Variants in OSBPL6 observed in about 807,000 individuals in gnomAD.
OSBPL6 encodes the protein oxysterol binding protein like 6.
A neutral mutation model predicts 125.8 loss-of-function variants in OSBPL6; 49 were observed. That is an observed-to-expected ratio of 0.39 (90% CI 0.31 to 0.49). The LOEUF is 0.49. OSBPL6 is among the 20% of genes least tolerant of loss of function. The pLI is 0.88. For missense variants in OSBPL6, 986 were observed against 1,135.4 expected, an observed-to-expected ratio of 0.87 and a Z score of 1.89; for synonymous variants, 394 against 391.8, an observed-to-expected ratio of 1.01 and a Z score of -0.07.
chr2:178,287,419 T>A (rs1684809227), intron 2 of OSBPL6, among the ~76,000 whole-genome samples: 1 of 152,222 alleles, frequency 6.6e-6, no homozygotes, highest in African/African-American at 2.4e-5. Flanking sequence ...CTGCCTGCAT[T>A]ACTTTGCTCC....
In OSBPL6 at chr2:178,361,815, G is replaced by T. The variant is rs2154098635; in HGVS notation, c.1287G>T (p.Gln429His). ...CACGGCTCCGACAGTCACTGTCTCA[G>T]GTAGGCAAAGAGTGTGTGTTTGCAT... Reference protein sequence around the residue: ...QMARLRQSLSQALNQNAELRS... With the variant: ...QMARLRQSLSHALNQNAELRS... The change falls in exon 13 of 25, where the codon CAG (glutamine) becomes CAT (histidine). Residue 429 changes from glutamine to histidine, a missense_variant and splice_region_variant. Transcript: ENST00000190611. 1 of 1,613,914 alleles carries T rather than the reference G, an allele frequency of 6.2e-7. No homozygotes were observed. The highest frequency in any genetic ancestry group is 2.2e-5 in the East Asian group (1 of 44,860).
intron 1 of OSBPL6, among the ~76,000 whole-genome samples, chr2:178,224,154 C>T (rs554437016): frequency 5.9e-5 from 9 of 151,906 alleles, no homozygotes; most frequent in South Asian, 2.1e-4. Flanking sequence ...ACAATGAACC[C>T]GGGAAGGGAG....
rs183987610 is a variant in OSBPL6 at position 178,373,131 on chromosome 2, G to A, written c.1396-759G>A. 5.0e-4 allele frequency among the ~76,000 whole-genome samples: 76 copies of A among 152,216 alleles called. 1 individual carries two copies. In the East Asian group the frequency reaches 0.011, roughly 21 times the overall value. On this transcript the variant is annotated intron_variant, in intron 14 of 24. Transcript: ENST00000190611. ...AGGAAACGTTATCCCAGGACAACTT[G>A]TCTTTGACTTAAGTTTTCCACCCTA... is the stretch of plus-strand genomic sequence containing the variant.
rs1004719372 is a variant in OSBPL6 at position 178,402,645 on chromosome 2, C to T, written c.*7086C>T. 1.3e-5 allele frequency: 2 copies of T among 152,164 alleles called. No homozygotes were observed. The highest frequency in any genetic ancestry group is 6.5e-5 in the Admixed American group (1 of 15,278). 9.4% of individuals were successfully genotyped at this position (152,164 alleles called of 1,614,324 possible). On this transcript the variant is annotated 3_prime_UTR_variant, in exon 25 of 25. Coordinates refer to ENST00000190611, the MANE Select transcript of OSBPL6 (RefSeq NM_032523.4). ...AAGGTATGAAGACAGTAGTTATGTA[C>T]TGTTCGTTTGCATACGGTCATTTTG...
rs149137948 is a variant in OSBPL6 at position 178,300,469 on chromosome 2, G to A, written c.-155-5561G>A. On this transcript the variant is annotated intron_variant, in intron 2 of 24. Coordinates refer to ENST00000190611, the MANE Select transcript of OSBPL6 (RefSeq NM_032523.4). Reference sequence around the variant, plus strand: ...TCTGCTTTTTTTGTCTGTTTACAGCGGGGGCAGCGGGGACAGGGTCTCGCT... The same window carrying A: ...TCTGCTTTTTTTGTCTGTTTACAGCAGGGGCAGCGGGGACAGGGTCTCGCT... 1.2e-3 allele frequency among the ~76,000 whole-genome samples: 185 copies of A among 152,326 alleles called. 1 individual carries two copies. The highest frequency in any genetic ancestry group is 4.4e-3 in the African/African-American group (184 of 41,576).
At chr2:178,344,322 C>T (rs140706412) in intron 11 of OSBPL6, 29 of 1,614,132 alleles carry the variant, frequency 1.8e-5, no homozygotes, top group Non-Finnish European at 2.3e-5. Flanking sequence ...CAGCACAACT[C>T]GGCGCCGGCA....
intron 13 of OSBPL6, 77 bp from the exon 14 acceptor site, chr2:178,372,049 C>T: frequency 9.1e-7 from 1 of 1,093,416 alleles, no homozygotes; most frequent in Non-Finnish European, 1.4e-6. Flanking sequence ...TATTGTCTAA[C>T]TTGTACCTGT....
chr2:178,320,397 G>C (rs768927513), intron 3 of OSBPL6: 2 of 1,613,076 alleles, frequency 1.2e-6, no homozygotes. Context: ...GGGAAACAGA[G>C]GGCGGGTAAG....
At chr2:178,333,133 A>G in intron 8 of OSBPL6, 92 bp downstream of exon 8, 7 of 1,426,216 alleles carry the variant, frequency 4.9e-6, no homozygotes, top group African/African-American at 1.4e-5. Flanking sequence ...GTGTAATCCC[A>G]GCACTTTGGG....
At chr2:178,316,747 AT>A (rs1316729313) in intron 3 of OSBPL6, among the ~76,000 whole-genome samples, 4 of 152,286 alleles carry the variant, frequency 2.6e-5, no homozygotes, top group Non-Finnish European at 4.4e-5. Context: ...TATGGAGATG[AT>A]TTAAAGTATA....
chr2:178,360,179 G>C (rs1692215642), intron 12 of OSBPL6, among the ~76,000 whole-genome samples: 1 of 152,146 alleles, frequency 6.6e-6, no homozygotes, highest in South Asian at 2.1e-4. Context: ...TATATATAGA[G>C]AGAGAATAAA....
chr2:178,199,085 G>C (rs773787148), intron 1 of OSBPL6, among the ~76,000 whole-genome samples: 8 of 152,128 alleles, frequency 5.3e-5, no homozygotes, highest in Non-Finnish European at 1.2e-4. Context: ...GGATGTTGTG[G>C]ATTCTTCACT....
At position 178,349,333 on chromosome 2, in the gene OSBPL6, A is replaced by G. The variant is rs1233154673; in HGVS notation, c.1097A>G (p.Glu366Gly). Reference sequence around the variant, plus strand: ...CCTAGCCACCTCACTGACCCTCTGGAAAGTTCAACAGATTATACAAAGCTG... The same window carrying G: ...CCTAGCCACCTCACTGACCCTCTGGGAAGTTCAACAGATTATACAAAGCTG... ...TPPSHLTDPL[E>G]SSTDYTKLQE... is the part of the protein sequence containing the mutation. Residue 366 changes from glutamate to glycine, a missense_variant, in exon 12 of 25, where the codon GAA becomes GGA. Coordinates refer to ENST00000190611, the MANE Select transcript of OSBPL6 (RefSeq NM_032523.4). 5 of 1,614,098 alleles carry G rather than the reference A, an allele frequency of 3.1e-6. No homozygotes were observed. Among genetic ancestry groups the G allele is most frequent in the South Asian group, 1.1e-5 (1 of 91,086 alleles).
chr2:178,193,912 A>T (rs112770858), upstream of OSBPL6, among the ~76,000 whole-genome samples: 1,077 of 152,316 alleles, frequency 7.1e-3, 11 homozygotes, highest in African/African-American at 0.024. Context: ...CGAGCGAGTC[A>T]GGGACGGGAG....
At chr2:178,349,831 G>A (rs766963934) in intron 12 of OSBPL6, among the ~76,000 whole-genome samples, 1 of 152,236 alleles carries the variant, frequency 6.6e-6, no homozygotes, top group South Asian at 2.1e-4. Flanking sequence ...CTCTGTGCCA[G>A]ATGTCTTTGA....
chr2:178,211,773 C>CCCT (rs2089874391), intron 1 of OSBPL6, among the ~76,000 whole-genome samples: 1 of 152,148 alleles, frequency 6.6e-6, no homozygotes, highest in Admixed American at 6.5e-5. Flanking sequence ...GCCACATGAG[C>CCCT]CCTTTCCCTT....
At chr2:178,333,561 A>G (rs7590212) in intron 8 of OSBPL6, among the ~76,000 whole-genome samples, 4,673 of 152,280 alleles carry the variant, frequency 0.031, 226 homozygotes, top group African/African-American at 0.11. Context: ...GTGGATCACC[A>G]AGAGAATTAG....
At chr2:178,253,317 A>C (rs1224755901) in intron 1 of OSBPL6, among the ~76,000 whole-genome samples, 1 of 152,122 alleles carries the variant, frequency 6.6e-6, no homozygotes, top group Non-Finnish European at 1.5e-5. Flanking sequence ...CACTGTGCCC[A>C]GCCTTAAACC....
At chr2:178,201,830 C>T (rs1030726446) in intron 1 of OSBPL6, among the ~76,000 whole-genome samples, 1 of 152,182 alleles carries the variant, frequency 6.6e-6, no homozygotes, top group East Asian at 1.9e-4. Flanking sequence ...TTGTTTTCAA[C>T]CTGAGAAGTG....
Sources: allele counts gnomAD v4.1 joint callset (sites outside exome capture counted in the v4.1 genomes callset), GRCh38; gene constraint gnomAD v4.1.1; transcripts MANE v1.5; gene names NCBI Gene and HGNC (gene_info 2026-07-23, HGNC 2026-07-21).